NELL1: variants seen among roughly 807,000 people sequenced by gnomAD.
NELL1 encodes the protein protein kinase C-binding protein NELL1.
Under a neutral mutation model 107.4 loss-of-function variants are expected in NELL1, and 76 were observed. The observed-to-expected ratio is 0.71, with a 90% CI of 0.59 to 0.86. The LOEUF is 0.86. Among genes scored for constraint, NELL1 ranks in the 40% least tolerant of loss-of-function variants. The probability of loss-of-function intolerance (pLI) is 0.00; values close to 1 mark genes in which losing one functional copy is unlikely to be tolerated. For missense variants in NELL1, 1,024 were observed against 1,005.5 expected, an observed-to-expected ratio of 1.02 and a Z score of -0.25; for synonymous variants, 353 against 341.2, an observed-to-expected ratio of 1.03 and a Z score of -0.38.
rs190724326 is a variant in NELL1, at chr11:21,367,855, A to G, written c.1550-2998A>G. The stretch of plus-strand genomic sequence containing the variant: ...GCCAGCCCATCTCCTCACAAACTGG[A>G]AAGGCAATGTAGCGGTGACCCAGCT... On this transcript the variant is annotated intron_variant, in intron 14 of 19. Coordinates refer to ENST00000357134, the MANE Select transcript of NELL1 (RefSeq NM_006157.5). Among the ~76,000 whole-genome samples the G allele has an allele frequency of 1.3e-3, 196 of 152,186 alleles. 1 individual carries two copies. Among genetic ancestry groups the G allele is most frequent in the Non-Finnish European group, 2.2e-3 (150 of 67,982 alleles).
At chr11:21,557,309 G>A (rs555552647) in intron 16 of NELL1, among the ~76,000 whole-genome samples, 20 of 152,088 alleles carry the variant, frequency 1.3e-4, no homozygotes, top group African/African-American at 4.6e-4. Flanking sequence ...TTTGCGCCCT[G>A]CTTTTATTGT....
At chr11:21,136,202 A>G (rs1246118472) in intron 13 of NELL1, among the ~76,000 whole-genome samples, 1 of 152,144 alleles carries the variant, frequency 6.6e-6, no homozygotes, top group East Asian at 1.9e-4. Flanking sequence ...CATTTCATTC[A>G]GAGGGAATAC....
intron 3 of NELL1, among the ~76,000 whole-genome samples, chr11:20,812,399 G>A (rs1420990134): frequency 6.6e-6 from 1 of 152,048 alleles, no homozygotes; most frequent in African/African-American, 2.4e-5. Flanking sequence ...TGTAGTTTAT[G>A]TTATTGTTTT....
chr11:21,434,570 A>T (rs1351383952), intron 15 of NELL1, among the ~76,000 whole-genome samples: 1 of 152,168 alleles, frequency 6.6e-6, no homozygotes, highest in Non-Finnish European at 1.5e-5. Context: ...TTATAATAAT[A>T]CTGCACTGTT....
chr11:20,670,369 C>G (rs1454691340), intron 1 of NELL1: 1 of 152,518 alleles, frequency 6.6e-6, no homozygotes, highest in African/African-American at 2.4e-5. Context: ...GTCTTTGCTC[C>G]CAAGGGCTGG....
intron 13 of NELL1, among the ~76,000 whole-genome samples, chr11:21,184,992 A>G (rs912649296): frequency 2.0e-5 from 3 of 151,886 alleles, no homozygotes; most frequent in East Asian, 1.9e-4. Flanking sequence ...TTAACAGCCA[A>G]TCGCATAAGA....
intron 13 of NELL1, among the ~76,000 whole-genome samples, chr11:21,163,793 A>C (rs577583737): frequency 6.6e-6 from 1 of 152,000 alleles, no homozygotes; most frequent in Non-Finnish European, 1.5e-5. Flanking sequence ...CATTAATTTC[A>C]TCATGAAAGT....
chr11:20,742,067 A>G (rs767205677), intron 2 of NELL1, among the ~76,000 whole-genome samples: 6 of 152,318 alleles, frequency 3.9e-5, no homozygotes, highest in Non-Finnish European at 8.8e-5. Context: ...GCGAAGGAGC[A>G]TTGTTATTAC....
At chr11:21,223,462 G>A (rs907952309) in intron 13 of NELL1, among the ~76,000 whole-genome samples, 1 of 151,874 alleles carries the variant, frequency 6.6e-6, no homozygotes, top group African/African-American at 2.4e-5. Context: ...GTTTTTACAG[G>A]CAATATTAGT....
intron 14 of NELL1, among the ~76,000 whole-genome samples, chr11:21,244,266 G>A (rs754384199): frequency 6.6e-6 from 1 of 152,090 alleles, no homozygotes; most frequent in Non-Finnish European, 1.5e-5. Flanking sequence ...TGAGAGAGCA[G>A]ACATAATGAT....
At chr11:21,255,270 T>C (rs1310478243) in intron 14 of NELL1, among the ~76,000 whole-genome samples, 1 of 152,138 alleles carries the variant, frequency 6.6e-6, no homozygotes, top group East Asian at 1.9e-4. Flanking sequence ...AGATTGTTGA[T>C]AACCTGTGTT....
intron 3 of NELL1, among the ~76,000 whole-genome samples, chr11:20,793,396 T>G (rs1222498609): frequency 6.6e-6 from 1 of 152,100 alleles, no homozygotes; most frequent in African/African-American, 2.4e-5. Flanking sequence ...CTTCTTTTCT[T>G]GGCCAGGCTC....
intron 2 of NELL1, among the ~76,000 whole-genome samples, chr11:20,751,369 C>T (rs1856134931): frequency 6.6e-6 from 1 of 152,160 alleles, no homozygotes; most frequent in Non-Finnish European, 1.5e-5. Context: ...TTTTCCATGA[C>T]TCAATCCATC....
chr11:21,528,332 G>A (rs112219512), intron 15 of NELL1, among the ~76,000 whole-genome samples: 9 of 152,154 alleles, frequency 5.9e-5, no homozygotes, highest in African/African-American at 2.2e-4. Flanking sequence ...GTGTTAGGAG[G>A]GGGGCCGAGT....
chr11:20,710,359 C>A (rs554441533), intron 2 of NELL1, among the ~76,000 whole-genome samples: 4 of 152,076 alleles, frequency 2.6e-5, no homozygotes, highest in Non-Finnish European at 4.4e-5. Flanking sequence ...TGTTGACTTG[C>A]GTATGTTAAA....
chr11:20,845,117 A>G (rs996513393), intron 3 of NELL1, among the ~76,000 whole-genome samples: 1 of 152,220 alleles, frequency 6.6e-6, no homozygotes, highest in Non-Finnish European at 1.5e-5. Context: ...GTTTTCAAAA[A>G]TATATCATCT....
intron 3 of NELL1, among the ~76,000 whole-genome samples, chr11:20,807,533 T>G (rs747269899): frequency 1.1e-4 from 17 of 152,198 alleles, no homozygotes; most frequent in Non-Finnish European, 2.2e-4. Flanking sequence ...CAAGGCCTAC[T>G]ATAACCGCTA....
At chr11:20,801,749 T>C (rs1376424506) in intron 3 of NELL1, among the ~76,000 whole-genome samples, 1 of 152,228 alleles carries the variant, frequency 6.6e-6, no homozygotes, top group Non-Finnish European at 1.5e-5. Context: ...TTGATTTGAT[T>C]ATTGTATATG....
chr11:21,326,157 A>AT lies in NELL1; in HGVS notation c.1550-44685dup, dbSNP rs56685923. ...TTGGCTTTATATCTACCATTTTGCT[A>AT]TTTTTTTTTTTCTATTTGTTCCACT... On this transcript the variant is annotated intron_variant, in intron 14 of 19. Transcript: ENST00000357134. Among the ~76,000 whole-genome samples, 342 of 131,356 alleles carry AT rather than the reference A, an allele frequency of 2.6e-3. 1 individual carries two copies. Among genetic ancestry groups the AT allele is most frequent in the African/African-American group, 8.8e-3 (297 of 33,770 alleles). 86.2% of individuals were successfully genotyped at this position (131,356 alleles called of 152,430 possible).
Sources: gnomAD v4.1 joint callset for allele counts (sites outside exome capture counted in the v4.1 genomes callset) on GRCh38, gnomAD v4.1.1 for gene constraint, MANE v1.5 for transcripts, NCBI Gene and HGNC (gene_info 2026-07-23, HGNC 2026-07-21) for gene names.